Variants in GLB1 observed in about 807,000 individuals in gnomAD.
GLB1 encodes the protein beta-galactosidase.
Under a neutral mutation model 74.0 loss-of-function variants are expected in GLB1, and 56 were observed. That is an observed-to-expected ratio of 0.76 (90% CI 0.61 to 0.94). The LOEUF (loss-of-function observed/expected upper bound fraction) is 0.94. Ranked by LOEUF, GLB1 falls within the 40% of genes least tolerant of loss-of-function variation. GLB1 has a pLI of 0.00. For synonymous variants in GLB1, 323 were observed against 323.6 expected, an observed-to-expected ratio of 1.00 and a Z score of 0.02; for missense variants, 787 against 845.5, an observed-to-expected ratio of 0.93 and a Z score of 0.86.
chr3:33,016,995 C>T (rs897032227), intron 13 of GLB1, among the ~76,000 whole-genome samples, 155 bp from the exon 14 acceptor site: 8 of 152,190 alleles, frequency 5.3e-5, no homozygotes, highest in East Asian at 1.9e-4. Context: ...CCCAAGTTAC[C>T]GGCCAGGTCG....
chr3:32,990,906 G>A, the GLB1 span, among the ~76,000 whole-genome samples: 1 of 152,116 alleles, frequency 6.6e-6, no homozygotes, highest in African/African-American at 2.4e-5. Flanking sequence ...CCCGGGAGGT[G>A]GAGCTTGCAG....
intron 10 of GLB1, among the ~76,000 whole-genome samples, chr3:33,033,575 G>C (rs1454093128): frequency 2.0e-5 from 3 of 152,146 alleles, no homozygotes; most frequent in Non-Finnish European, 2.9e-5. Context: ...TTGAGGTCAA[G>C]AGTTCGAGAC....
chr3:33,071,731 C>G (rs1263543256), intron 2 of GLB1, among the ~76,000 whole-genome samples: 1 of 152,090 alleles, frequency 6.6e-6, no homozygotes, highest in Non-Finnish European at 1.5e-5. Flanking sequence ...TGAAGCAAGT[C>G]AAACCAGAAT....
At chr3:33,035,103 T>G (rs1057297304) in intron 10 of GLB1, among the ~76,000 whole-genome samples, 8 of 151,532 alleles carry the variant, frequency 5.3e-5, no homozygotes, top group African/African-American at 1.9e-4. Flanking sequence ...TGGTAGAAGT[T>G]TCAAGCAGTT....
chr3:33,014,053 T>C lies in GLB1; in HGVS notation c.1734+3A>G. ...TTCAAACCCTTCCCATGAAGACACGTACCTTGGTCCATCCAGGAAACTGGA... is the reference window on the plus strand; with the variant it reads ...TTCAAACCCTTCCCATGAAGACACGCACCTTGGTCCATCCAGGAAACTGGA... On this transcript the variant is annotated splice_donor_region_variant and intron_variant, in intron 15 of 15. Transcript: ENST00000307363. The C allele has an allele frequency of 6.2e-7, 1 of 1,614,220 alleles. No individual in the cohort carries two copies. The highest frequency in any genetic ancestry group is 8.5e-7 in the Non-Finnish European group (1 of 1,180,036).
At chr3:32,983,788 C>G in the GLB1 span, among the ~76,000 whole-genome samples, 2 of 152,124 alleles carry the variant, frequency 1.3e-5, no homozygotes, top group African/African-American at 4.8e-5. Context: ...AAGTAATCCT[C>G]CCACCTCAGC....
chr3:33,001,694 G>A (rs1480025196), intron 15 of GLB1, among the ~76,000 whole-genome samples: 4 of 152,220 alleles, frequency 2.6e-5, no homozygotes, highest in Admixed American at 6.5e-5. Flanking sequence ...ACGCAGGAGA[G>A]TGATATTCAA....
Position 33,051,795 on chromosome 3 carries a change from G to A in GLB1, c.918C>T (p.Tyr306=). The change falls in exon 9 of 16, where the codon TAC becomes TAT. Residue 306 remains tyrosine, a synonymous_variant. Coordinates refer to ENST00000307363, the MANE Select transcript of GLB1 (RefSeq NM_000404.4). The part of the protein sequence containing the change: ...ILARGASVNL[Y]MFIGGTNFAY... ...CAAAATTGGTCCCACCTATAAACATGTACCTACAAGGAAACAAAAGAACAC... is the reference window on the plus strand; with the variant it reads ...CAAAATTGGTCCCACCTATAAACATATACCTACAAGGAAACAAAAGAACAC... 1 of 1,614,126 alleles carries A rather than the reference G, an allele frequency of 6.2e-7. No homozygotes were observed. The highest frequency in any genetic ancestry group is 8.5e-7 in the Non-Finnish European group (1 of 1,180,030).
At chr3:32,996,214 G>A (rs1305956485), downstream of GLB1, among the ~76,000 whole-genome samples, 2 of 152,212 alleles carry the variant, frequency 1.3e-5, no homozygotes, top group Non-Finnish European at 2.9e-5. Context: ...ACTGCTCCAT[G>A]TCAGGACAGG....
At position 33,012,479 on chromosome 3, in the gene GLB1, G is replaced by A. The variant is rs956102524; in HGVS notation, c.1734+1577C>T. Reference sequence around the variant, plus strand: ...CCCTTCAGCCATGTAAGGACATAGAGGGTGCTGTCTATGATGAAGTAGACT... The same window carrying A: ...CCCTTCAGCCATGTAAGGACATAGAAGGTGCTGTCTATGATGAAGTAGACT... On this transcript the variant is annotated intron_variant, in intron 15 of 15. Coordinates refer to ENST00000307363, the MANE Select transcript of GLB1 (RefSeq NM_000404.4). Among the ~76,000 whole-genome samples, 4 of 152,294 alleles carry A rather than the reference G, an allele frequency of 2.6e-5. No homozygotes were observed. In the East Asian group the frequency reaches 7.7e-4, roughly 29 times the overall value.
chr3:33,093,129 T>A lies in GLB1; in HGVS notation c.75+3882A>T, dbSNP rs1559423030. On this transcript the variant is annotated intron_variant, in intron 1 of 15. Coordinates refer to ENST00000307363, the MANE Select transcript of GLB1 (RefSeq NM_000404.4). This position sits in a 1 kb window ranked among gnomAD's most constrained non-coding sequence, Gnocchi z 6.0. Reference sequence around the variant, plus strand: ...GATTGTGTGGTCTGGGCTGCAGCCCTCCAGGGCCTTGTCAAGATCCATGCC... The same window carrying A: ...GATTGTGTGGTCTGGGCTGCAGCCCACCAGGGCCTTGTCAAGATCCATGCC... The A allele has an allele frequency of 1.2e-6, 2 of 1,614,184 alleles. No homozygotes were observed. The highest frequency in any genetic ancestry group is 3.3e-5 in the Admixed American group (2 of 60,026).
At chr3:33,094,049 G>C (rs749092995) in intron 1 of GLB1, 1 of 1,614,228 alleles carries the variant, frequency 6.2e-7, no homozygotes, top group South Asian at 1.1e-5. Flanking sequence ...TGACAAACAG[G>C]GCAAGCTGCA....
chr3:33,041,225 A>G (rs916803171), intron 10 of GLB1, among the ~76,000 whole-genome samples: 1 of 152,250 alleles, frequency 6.6e-6, no homozygotes, highest in Non-Finnish European at 1.5e-5. Flanking sequence ...AGCGTCAAAT[A>G]TAAAGAGAAA....
chr3:33,077,086 T>A lies in GLB1; in HGVS notation c.76-4373A>T, dbSNP rs755455383. On this transcript the variant is annotated intron_variant, in intron 1 of 15. Transcript: ENST00000307363. The stretch of plus-strand genomic sequence containing the variant: ...AAAAAAAAAAATTAAAATTAGTGTC[T>A]CCCTCACCCACTGCTGCCGCCTCCT... The A allele has an allele frequency of 2.2e-6, 3 of 1,377,956 alleles. No homozygotes were observed. In the Admixed American group the frequency reaches 6.6e-5, roughly 30 times the overall value. 85.4% of individuals were successfully genotyped at this position (1,377,956 alleles called of 1,614,324 possible).
chr3:33,046,075 G>T lies in GLB1; in HGVS notation c.1068+45C>A, dbSNP rs775294239. ...CAGAGCCACAGTGAGTTCAAAAGAGGCTCTGTCCAAGATCAGCCCACCACA... is the reference window on the plus strand; with the variant it reads ...CAGAGCCACAGTGAGTTCAAAAGAGTCTCTGTCCAAGATCAGCCCACCACA... On this transcript the variant is annotated intron_variant, in intron 10 of 15. Coordinates refer to ENST00000307363, the MANE Select transcript of GLB1 (RefSeq NM_000404.4). 7 of 1,601,028 alleles carry T rather than the reference G, an allele frequency of 4.4e-6. No individual in the cohort carries two copies. The South Asian group carries it at 7.8e-5, about 18-fold the overall frequency.
At chr3:33,018,376 G>A (rs1697327633) in intron 13 of GLB1, 72 bp downstream of exon 13, 3 of 1,377,796 alleles carry the variant, frequency 2.2e-6, no homozygotes, top group Admixed American at 1.8e-5. Flanking sequence ...CCCAAATGCT[G>A]TGTTAACAAG....
At chr3:33,044,386 G>A (rs35507451) in intron 10 of GLB1, among the ~76,000 whole-genome samples, 14,992 of 151,964 alleles carry the variant, frequency 0.099, 875 homozygotes, top group Non-Finnish European at 0.13. Flanking sequence ...CAAAACTTAC[G>A]AGATAAAGCC....
chr3:33,039,127 T>G (rs1488397437), intron 10 of GLB1, among the ~76,000 whole-genome samples: 1 of 151,660 alleles, frequency 6.6e-6, no homozygotes, highest in Non-Finnish European at 1.5e-5. Flanking sequence ...CCATCTCTAC[T>G]AAAACTATGA....
intron 15 of GLB1, among the ~76,000 whole-genome samples, chr3:33,008,387 G>A (rs139389556): frequency 6.2e-4 from 95 of 152,306 alleles, no homozygotes; most frequent in African/African-American, 2.2e-3. Context: ...AGAAGGTGGG[G>A]AGGAGATTCA....
Sources: gnomAD v4.1 joint callset for allele counts (sites outside exome capture counted in the v4.1 genomes callset) on GRCh38, gnomAD v4.1.1 for gene constraint, Gnocchi (gnomAD v3.1) non-coding constraint, MANE v1.5 for transcripts, NCBI Gene and HGNC (gene_info 2026-07-23, HGNC 2026-07-21) for gene names.